The following SGCD variants were observed in gnomAD, a reference collection of about 807,000 sequenced individuals.
SGCD encodes sarcoglycan delta.
SGCD carries 18 observed loss-of-function variants against 36.6 expected under a neutral mutation model. The ratio of observed to expected loss-of-function variants is 0.49; its 90% CI spans 0.34 to 0.73. SGCD has a LOEUF of 0.73. Among genes scored for constraint, SGCD ranks in the 30% least tolerant of loss-of-function variants. The probability of loss-of-function intolerance (pLI) is 0.01; values close to 1 mark genes in which losing one functional copy is unlikely to be tolerated. For missense variants in SGCD, 387 were observed against 346.7 expected (o/e 1.12, Z -0.92); for synonymous variants, 133 against 130.6 (o/e 1.02, Z -0.12).
At chr5:156,574,363 A>G (rs957821066) in intron 4 of SGCD, among the ~76,000 whole-genome samples, 32 of 152,230 alleles carry the variant, frequency 2.1e-4, no homozygotes, top group African/African-American at 7.7e-4. Flanking sequence ...AGGTACAAAC[A>G]TGATGCTAAA....
chr5:156,116,945 C>T (rs1761920151), intron 1 of SGCD, among the ~76,000 whole-genome samples: 1 of 151,982 alleles, frequency 6.6e-6, no homozygotes, highest in East Asian at 1.9e-4. Flanking sequence ...CTCCTCTGAG[C>T]CTCAGACTCT....
chr5:156,417,442 C>T (rs1204321713), intron 3 of SGCD, among the ~76,000 whole-genome samples: 1 of 152,116 alleles, frequency 6.6e-6, no homozygotes, highest in Non-Finnish European at 1.5e-5. Flanking sequence ...AGTTTGCAAA[C>T]AATTTTTAGA....
chr5:156,696,384 T>C (rs1419234628), intron 7 of SGCD, among the ~76,000 whole-genome samples: 2 of 152,234 alleles, frequency 1.3e-5, no homozygotes, highest in African/African-American at 4.8e-5. Context: ...AAGAACTGTT[T>C]TGGCTATAGG....
At chr5:155,980,556 C>G (rs764533591) in intron 1 of SGCD, among the ~76,000 whole-genome samples, 9 of 123,264 alleles carry the variant, frequency 7.3e-5, no homozygotes, top group South Asian at 2.7e-4. Context: ...CCACTGCACT[C>G]CAGCCTCGGT....
chr5:156,407,016 A>G (rs1772469058), intron 3 of SGCD, among the ~76,000 whole-genome samples: 1 of 151,848 alleles, frequency 6.6e-6, no homozygotes, highest in South Asian at 2.1e-4. Flanking sequence ...AGAAAGATGT[A>G]GGCTGGGAGG....
intron 4 of SGCD, among the ~76,000 whole-genome samples, chr5:156,556,644 A>G (rs565548400): frequency 6.6e-6 from 1 of 152,304 alleles, no homozygotes; most frequent in East Asian, 1.9e-4. Context: ...AATAGACAAG[A>G]AAAGAAAAGA....
At chr5:156,599,873 G>A (rs1761094495) in intron 6 of SGCD, among the ~76,000 whole-genome samples, 2 of 152,146 alleles carry the variant, frequency 1.3e-5, no homozygotes, top group Non-Finnish European at 2.9e-5. Flanking sequence ...TTGCTTCATC[G>A]TTCTAGGGAT....
chr5:155,922,471 G>C (rs1273890590), intron 1 of SGCD, among the ~76,000 whole-genome samples: 2 of 152,028 alleles, frequency 1.3e-5, no homozygotes, highest in Non-Finnish European at 2.9e-5. Context: ...GGATAAACAT[G>C]AACTATCTCA....
chr5:156,511,464 G>A (rs766580945), intron 4 of SGCD, among the ~76,000 whole-genome samples: 33 of 152,090 alleles, frequency 2.2e-4, no homozygotes, highest in Non-Finnish European at 3.8e-4. Context: ...ATGTCAAATC[G>A]CTCCACCTCT....
intron 3 of SGCD, among the ~76,000 whole-genome samples, chr5:156,272,012 A>C (rs1217064129): frequency 6.6e-6 from 1 of 152,084 alleles, no homozygotes; most frequent in Non-Finnish European, 1.5e-5. Flanking sequence ...TTATTTTTAT[A>C]ATTTTTATTT....
At chr5:156,622,434 A>AT (rs1170254252) in intron 6 of SGCD, among the ~76,000 whole-genome samples, 56 of 91,128 alleles carry the variant, frequency 6.1e-4, no homozygotes, top group African/African-American at 4.8e-4. Flanking sequence ...CTCTGTCTAA[A>AT]AAATAATAAT....
chr5:155,880,950 G>A (rs1755868219), intron 1 of SGCD, among the ~76,000 whole-genome samples: 1 of 152,010 alleles, frequency 6.6e-6, no homozygotes, highest in East Asian at 1.9e-4. Flanking sequence ...TTCTTAGAAT[G>A]AAAACAATCA....
chr5:156,357,543 C>T (rs1057087265), intron 3 of SGCD, among the ~76,000 whole-genome samples: 1 of 152,094 alleles, frequency 6.6e-6, no homozygotes, highest in African/African-American at 2.4e-5. Context: ...CAGCCATTGT[C>T]GACTCAAGCG....
chr5:156,381,986 T>C (rs1771008914), intron 3 of SGCD, among the ~76,000 whole-genome samples: 1 of 152,250 alleles, frequency 6.6e-6, no homozygotes, highest in African/African-American at 2.4e-5. Context: ...ATGTTTTTAT[T>C]ATTATCATAA....
chr5:155,830,151 C>T, the SGCD span, among the ~76,000 whole-genome samples: 1 of 152,140 alleles, frequency 6.6e-6, no homozygotes, highest in South Asian at 2.1e-4. Flanking sequence ...TCTAAAGCTG[C>T]CATGACAAAA....
intron 7 of SGCD, among the ~76,000 whole-genome samples, chr5:156,695,501 A>C (rs957994870): frequency 9.0e-6 from 1 of 110,576 alleles, no homozygotes; most frequent in African/African-American, 5.9e-5. Flanking sequence ...AGATAGATAG[A>C]TAGATAGATG....
chr5:155,922,987 C>T (rs1230732973), intron 1 of SGCD, among the ~76,000 whole-genome samples: 1 of 152,140 alleles, frequency 6.6e-6, no homozygotes, highest in African/African-American at 2.4e-5. Context: ...TTAGCATAAC[C>T]ATACAGCATG....
chr5:155,729,812 T>C, the SGCD span, among the ~76,000 whole-genome samples: 2 of 152,328 alleles, frequency 1.3e-5, no homozygotes, highest in African/African-American at 2.4e-5. Flanking sequence ...AGCGGCCTCA[T>C]TGTGTGCCCG....
chr5:156,330,792 T>C (rs1283168789), intron 2 of SGCD, among the ~76,000 whole-genome samples: 1 of 152,166 alleles, frequency 6.6e-6, no homozygotes, highest in African/African-American at 2.4e-5. Flanking sequence ...GGTGGTATCA[T>C]CTTGCTGTGG....
Sources: gnomAD v4.1 joint callset for allele counts (sites outside exome capture counted in the v4.1 genomes callset) on GRCh38, gnomAD v4.1.1 for gene constraint, MANE v1.5 for transcripts, NCBI Gene and HGNC (gene_info 2026-07-23, HGNC 2026-07-21) for gene names.